GRIP1: variants seen among roughly 807,000 people sequenced by gnomAD.
GRIP1 encodes the protein glutamate receptor interacting protein 1.
In GRIP1, 45 loss-of-function variants were observed where a neutral mutation model predicts 129.9. The observed-to-expected ratio is 0.35, with a 90% confidence interval of 0.27 to 0.44. The LOEUF (loss-of-function observed/expected upper bound fraction) is 0.44, where lower values mean the gene tolerates loss of function less well. Ranked by LOEUF, GRIP1 falls within the 20% of genes least tolerant of loss-of-function variation. The pLI is 1.00. For synonymous variants in GRIP1, 530 were observed against 520.8 expected (o/e 1.02, Z -0.24); for missense variants, 1,196 against 1,396.8 (o/e 0.86, Z 2.29).
At chr12:66,787,561 AT>A (rs1168312008) in intron 1 of GRIP1, among the ~76,000 whole-genome samples, 1 of 152,134 alleles carries the variant, frequency 6.6e-6, no homozygotes, top group Non-Finnish European at 1.5e-5. Flanking sequence ...TGATTAGATC[AT>A]GAGGGCAGGG....
At chr12:67,012,034 T>C (rs2042716142) in intron 1 of GRIP1, among the ~76,000 whole-genome samples, 1 of 152,184 alleles carries the variant, frequency 6.6e-6, no homozygotes, top group Non-Finnish European at 1.5e-5. Flanking sequence ...AAGACTGTTT[T>C]ACCCTCACCA....
chr12:66,881,967 G>A (rs2040486300), intron 1 of GRIP1, among the ~76,000 whole-genome samples: 1 of 152,056 alleles, frequency 6.6e-6, no homozygotes, highest in South Asian at 2.1e-4. Context: ...CAGAGAGGTG[G>A]CATCTAATTC....
At chr12:67,030,365 C>T (rs1360134898) in intron 1 of GRIP1, among the ~76,000 whole-genome samples, 1 of 151,906 alleles carries the variant, frequency 6.6e-6, no homozygotes, top group Non-Finnish European at 1.5e-5. Context: ...AATTTTAAGG[C>T]AAAATGCAGA....
chr12:66,358,385 C>T (rs2137131957), intron 23 of GRIP1, among the ~76,000 whole-genome samples: 1 of 152,292 alleles, frequency 6.6e-6, no homozygotes, highest in South Asian at 2.1e-4. Context: ...GATCTGGAAT[C>T]AGCTATTCCT....
chr12:67,068,047 C>T (rs2043661211), intron 1 of GRIP1, among the ~76,000 whole-genome samples: 1 of 152,188 alleles, frequency 6.6e-6, no homozygotes, highest in Non-Finnish European at 1.5e-5. Flanking sequence ...GCCAGCGTTC[C>T]TCTGGATGCT....
intron 1 of GRIP1, among the ~76,000 whole-genome samples, chr12:66,878,320 T>C (rs985857590): frequency 1.3e-5 from 2 of 152,074 alleles, no homozygotes; most frequent in African/African-American, 2.4e-5. Flanking sequence ...AGAAGACTTA[T>C]TTCAACTAGG....
chr12:66,348,903 G>A lies in GRIP1; in HGVS notation c.*116C>T, dbSNP rs2054096056. On this transcript the variant is annotated 3_prime_UTR_variant, in exon 25 of 25. Coordinates refer to ENST00000359742, the MANE Select transcript of GRIP1 (RefSeq NM_001366722.1). ...TGAGAGAGATTTAAAAGACCCCTGT[G>A]CTTGCAGTTAATGCCACGTTGATTG... The A allele has an allele frequency of 2.5e-6, 2 of 808,856 alleles. No individual in the cohort carries two copies. The highest frequency in any genetic ancestry group is 3.4e-5 in the Admixed American group (2 of 58,384). The allele number at this position is 808,856 out of a possible 1,614,324, so 50.1% of individuals were successfully genotyped here. A position where few individuals can be genotyped will look rare whatever the true frequency, so the allele number is the denominator to read the frequency against.
chr12:66,745,542 T>C (rs2036917332), intron 1 of GRIP1, among the ~76,000 whole-genome samples: 1 of 152,092 alleles, frequency 6.6e-6, no homozygotes, highest in African/African-American at 2.4e-5. Context: ...ATAAAGCAAA[T>C]ACACGCATGA....
At chr12:66,525,119 C>T (rs1015515351) in intron 5 of GRIP1, among the ~76,000 whole-genome samples, 2 of 152,202 alleles carry the variant, frequency 1.3e-5, no homozygotes, top group Non-Finnish European at 2.9e-5. Flanking sequence ...GAGCTGGTGC[C>T]ATTCCTTCTG....
At chr12:66,478,944 G>C (rs1357449124) in intron 7 of GRIP1, among the ~76,000 whole-genome samples, 1 of 151,704 alleles carries the variant, frequency 6.6e-6, no homozygotes, top group African/African-American at 2.4e-5. Flanking sequence ...CGAGTTAATG[G>C]GTGCAGCACA....
At chr12:67,047,341 GT>G (rs1021431870) in intron 1 of GRIP1, among the ~76,000 whole-genome samples, 4 of 151,906 alleles carry the variant, frequency 2.6e-5, no homozygotes, top group African/African-American at 7.2e-5. Flanking sequence ...AAAAAATAAT[GT>G]TTTTTTAAAA....
intron 1 of GRIP1, among the ~76,000 whole-genome samples, chr12:66,907,523 C>G (rs2040953955): frequency 6.6e-6 from 1 of 152,028 alleles, no homozygotes; most frequent in South Asian, 2.1e-4. Flanking sequence ...GAAAGGTTCC[C>G]AGGAGGAAGC....
At chr12:67,036,631 A>G (rs919507116) in intron 1 of GRIP1, among the ~76,000 whole-genome samples, 1 of 152,096 alleles carries the variant, frequency 6.6e-6, no homozygotes, top group African/African-American at 2.4e-5. Context: ...GCACCCAGCC[A>G]GAATAAGGAT....
At chr12:66,845,884 G>A (rs1209392238) in intron 1 of GRIP1, among the ~76,000 whole-genome samples, 19 of 152,056 alleles carry the variant, frequency 1.2e-4, no homozygotes, top group Admixed American at 1.2e-3. Context: ...CCAGTCCTTC[G>A]AGGGTGGAAT....
chr12:66,737,838 G>A (rs565615418), intron 1 of GRIP1, among the ~76,000 whole-genome samples: 18 of 152,276 alleles, frequency 1.2e-4, no homozygotes, highest in Admixed American at 1.0e-3. Context: ...CCGATGTTAT[G>A]CCCACGTGAA....
In GRIP1 at chr12:66,444,621, C is replaced by T. The variant is rs1369161246; in HGVS notation, c.1650G>A (p.Thr550=). The stretch of plus-strand genomic sequence containing the variant: ...ACTCGATTTCCAGTGTGACCTTGCT[C>T]GTGATTGAAGAGTCTCGGAGGAGCT... ...ASQLLRDSSI[T]SKVTLEIEFD... Residue 550 remains threonine, a synonymous_variant, in exon 13 of 25, where the codon ACG becomes ACA. Coordinates refer to ENST00000359742, the MANE Select transcript of GRIP1 (RefSeq NM_001366722.1). 5.0e-6 allele frequency: 8 copies of T among 1,613,662 alleles called. No homozygotes were observed. The highest frequency in any genetic ancestry group is 3.3e-5 in the Admixed American group (2 of 59,962).
chr12:66,401,675 C>T (rs1260693333), intron 16 of GRIP1, among the ~76,000 whole-genome samples: 4 of 147,780 alleles, frequency 2.7e-5, no homozygotes, highest in Non-Finnish European at 4.5e-5. Flanking sequence ...CTCCTTTAAT[C>T]CTTAAAACAG....
intron 1 of GRIP1, among the ~76,000 whole-genome samples, chr12:66,709,964 T>C (rs2035660864): frequency 6.6e-6 from 1 of 152,000 alleles, no homozygotes; most frequent in Admixed American, 6.6e-5. Context: ...TGGAATTATA[T>C]GTTATTAGGA....
intron 7 of GRIP1, among the ~76,000 whole-genome samples, chr12:66,483,846 T>C (rs1472228674): frequency 6.7e-6 from 1 of 148,494 alleles, no homozygotes; most frequent in Non-Finnish European, 1.5e-5. Context: ...ATCCAAAAAG[T>C]AACCATTATC....
Sources: allele counts gnomAD v4.1 joint callset (sites outside exome capture counted in the v4.1 genomes callset), GRCh38; gene constraint gnomAD v4.1.1; transcripts MANE v1.5; gene names NCBI Gene and HGNC (gene_info 2026-07-23, HGNC 2026-07-21).